Variants in PTPDC1 observed in about 807,000 individuals in gnomAD.
The protein encoded by PTPDC1 is protein tyrosine phosphatase domain containing 1, also known as protein tyrosine phosphatase domain-containing protein 1.
Under a neutral mutation model 75.3 loss-of-function variants are expected in PTPDC1, and 53 were observed. The observed-to-expected ratio is 0.70, with a 90% CI of 0.56 to 0.88. The LOEUF is 0.88. Among genes scored for constraint, PTPDC1 ranks in the 40% least tolerant of loss-of-function variants. PTPDC1 has a pLI of 0.00. For synonymous variants in PTPDC1, 349 were observed against 366.2 expected, an observed-to-expected ratio of 0.95 and a Z score of 0.54; for missense variants, 925 against 998.6, an observed-to-expected ratio of 0.93 and a Z score of 0.99.
rs897664637 is a variant in PTPDC1, at chr9:94,065,524, G to A, written c.82+703G>A. Among the ~76,000 whole-genome samples, 4 of 152,242 alleles carry A rather than the reference G, an allele frequency of 2.6e-5. 1 individual carries two copies. The highest frequency in any genetic ancestry group is 6.3e-3 in the Middle Eastern group (2 of 316). ...CCCCTAAGTATGGATTAGATGATAG[G>A]AAGAAGAGTAAAGGAGTAAGGGTCT... On this transcript the variant is annotated intron_variant, in intron 2 of 9. Transcript: ENST00000375360.
intron 1 of PTPDC1, among the ~76,000 whole-genome samples, chr9:94,051,691 T>C (rs940739952): frequency 2.0e-5 from 3 of 152,216 alleles, no homozygotes; most frequent in African/African-American, 7.2e-5. Flanking sequence ...TGAGGGAGTT[T>C]TAATAGTTTG....
chr9:94,042,598 G>A (rs909641733), intron 1 of PTPDC1, among the ~76,000 whole-genome samples: 1 of 152,226 alleles, frequency 6.6e-6, no homozygotes. Flanking sequence ...GTTGTAATCT[G>A]TTTTGGTTTA....
intron 1 of PTPDC1, among the ~76,000 whole-genome samples, chr9:94,039,200 A>G (rs1414216986): frequency 6.6e-6 from 1 of 152,232 alleles, no homozygotes; most frequent in Non-Finnish European, 1.5e-5. Flanking sequence ...ATAACTGAAA[A>G]GAAAACCACA....
chr9:94,070,356 A>G (rs1432716473), intron 2 of PTPDC1, among the ~76,000 whole-genome samples: 1 of 151,746 alleles, frequency 6.6e-6, no homozygotes. Context: ...GCACCCTACT[A>G]TTTGCCTGCC....
At chr9:94,062,927 AG>A (rs1320586320) in intron 1 of PTPDC1, among the ~76,000 whole-genome samples, 1 of 152,218 alleles carries the variant, frequency 6.6e-6, no homozygotes, top group African/African-American at 2.4e-5. Context: ...TTGTGTCACG[AG>A]GGTACCTATA....
chr9:94,074,482 G>A (rs987339416), intron 2 of PTPDC1, among the ~76,000 whole-genome samples: 16 of 152,148 alleles, frequency 1.1e-4, no homozygotes, highest in African/African-American at 3.6e-4. Flanking sequence ...GTTTCTGCAA[G>A]GTGTGACTGA....
At chr9:94,058,760 G>A (rs545417164) in intron 1 of PTPDC1, among the ~76,000 whole-genome samples, 18 of 151,860 alleles carry the variant, frequency 1.2e-4, no homozygotes, top group South Asian at 8.3e-4. Flanking sequence ...AGGCCCAGGC[G>A]GGTAAATCAC....
chr9:94,031,206 A>G (rs1313220462), intron 1 of PTPDC1: 2 of 152,114 alleles, frequency 1.3e-5, no homozygotes, highest in Non-Finnish European at 2.9e-5. Context: ...CTAGATATTA[A>G]GTGATGCGTG....
At chr9:94,106,881 T>A (rs1828039942) in intron 8 of PTPDC1, among the ~76,000 whole-genome samples, 1 of 152,172 alleles carries the variant, frequency 6.6e-6, no homozygotes, top group Non-Finnish European at 1.5e-5. Context: ...AATGCAAATA[T>A]GTGTAAATAG....
At position 94,100,576 on chromosome 9, in the gene PTPDC1, T is replaced by C. The variant is rs371720448; in HGVS notation, c.2014-990T>C. 3 of 152,226 alleles carry C rather than the reference T, an allele frequency of 2.0e-5. No individual in the cohort carries two copies. In the East Asian group the frequency reaches 5.8e-4, roughly 29 times the overall value. The allele number at this position is 152,226 out of a possible 1,614,324, so 9.4% of individuals were successfully genotyped here. A position where few individuals can be genotyped will look rare whatever the true frequency, so the allele number is the denominator to read the frequency against. On this transcript the variant is annotated intron_variant, in intron 6 of 8. Transcript: ENST00000620992. ...TATGAACACCCCCTTTGCCATTTTCTAGCTTTTGGCTCCTAGGTGAGTTAT... is the reference window on the plus strand; with the variant it reads ...TATGAACACCCCCTTTGCCATTTTCCAGCTTTTGGCTCCTAGGTGAGTTAT...
At chr9:94,068,601 A>G (rs1826401893) in intron 2 of PTPDC1, among the ~76,000 whole-genome samples, 2 of 152,150 alleles carry the variant, frequency 1.3e-5, no homozygotes, top group Non-Finnish European at 2.9e-5. Context: ...TTCTCCCCTC[A>G]TAGTTAATAT....
At chr9:94,053,125 A>C (rs1825833154) in intron 1 of PTPDC1, among the ~76,000 whole-genome samples, 1 of 152,118 alleles carries the variant, frequency 6.6e-6, no homozygotes. Context: ...GTTTTTCCCC[A>C]ATCTGTGATT....
At position 94,097,631 on chromosome 9, in the gene PTPDC1, GA is replaced by G. The variant is rs746447971; in HGVS notation, c.1067del (p.Asn356ThrfsTer4). The G allele has an allele frequency of 6.2e-7, 1 of 1,614,044 alleles. No homozygotes were observed. Among genetic ancestry groups the G allele is most frequent in the Non-Finnish European group, 8.5e-7 (1 of 1,180,040 alleles). On this transcript the variant is annotated frameshift_variant, in exon 6 of 9. Transcript: ENST00000620992. LOFTEE classifies it high-confidence loss of function. Reference sequence around the variant, plus strand: ...GCAAATTGCTGCTGGACTTAGCGGAGAACAGGCCAGTGATGATGAAGGATGT... The same window carrying G: ...GCAAATTGCTGCTGGACTTAGCGGAGACAGGCCAGTGATGATGAAGGATGT... ...VCKLLLDLAENRPVMMKDVSE... is the reference protein window; with the variant it reads ...VCKLLLDLAEXRPVMMKDVSE...
chr9:94,106,760 T>C (rs541804572), intron 8 of PTPDC1, among the ~76,000 whole-genome samples: 44 of 152,270 alleles, frequency 2.9e-4, no homozygotes, highest in African/African-American at 8.4e-4. Flanking sequence ...ACCCTGATTC[T>C]TTCCCAGGGA....
At position 94,104,267 on chromosome 9, in the gene PTPDC1, A is replaced by T. The variant is rs1232631107; in HGVS notation, c.2200-8A>T. ...AAATTTTTTAAATTTTGATTTCTACAAAAACAGGGACAGCACCAGACTATT... is the reference window on the plus strand; with the variant it reads ...AAATTTTTTAAATTTTGATTTCTACTAAAACAGGGACAGCACCAGACTATT... On this transcript the variant is annotated splice_region_variant and splice_polypyrimidine_tract_variant and intron_variant, in intron 7 of 8. Coordinates refer to ENST00000620992, the MANE Select transcript of PTPDC1 (RefSeq NM_001253829.2). 8 of 1,590,028 alleles carry T rather than the reference A, an allele frequency of 5.0e-6. No homozygotes were observed. The highest frequency in any genetic ancestry group is 6.9e-6 in the Non-Finnish European group (8 of 1,163,418).
intron 5 of PTPDC1, 35 bp downstream of exon 5, chr9:94,095,489 A>T: frequency 6.6e-7 from 1 of 1,522,226 alleles, no homozygotes; most frequent in East Asian, 2.3e-5. Flanking sequence ...GCCTGTAGGC[A>T]TATTTAAACA....
At chr9:94,039,230 ATAAAT>A (rs1429832911) in intron 1 of PTPDC1, among the ~76,000 whole-genome samples, 15 of 152,192 alleles carry the variant, frequency 9.9e-5, no homozygotes, top group Non-Finnish European at 1.9e-4. Context: ...AAATAGATAA[ATAAAT>A]TATCTCTGTT....
chr9:94,094,891 C>T (rs991524415), intron 4 of PTPDC1, among the ~76,000 whole-genome samples: 3 of 152,246 alleles, frequency 2.0e-5, no homozygotes, highest in African/African-American at 4.8e-5. Flanking sequence ...AACCCCCTGA[C>T]CCCTTGCGCT....
At chr9:94,051,018 C>G (rs142930670) in intron 1 of PTPDC1, among the ~76,000 whole-genome samples, 2 of 152,276 alleles carry the variant, frequency 1.3e-5, no homozygotes, top group African/African-American at 4.8e-5. Flanking sequence ...AAGCCAGGTG[C>G]GGGATATAAT....
Sources: gnomAD v4.1 joint callset for allele counts (sites outside exome capture counted in the v4.1 genomes callset) on GRCh38, gnomAD v4.1.1 for gene constraint, MANE v1.5 for transcripts, NCBI Gene and HGNC (gene_info 2026-07-23, HGNC 2026-07-21) for gene names.